PLEKHG3: variants seen among roughly 807,000 people sequenced by gnomAD.
PLEKHG3 encodes pleckstrin homology domain-containing family G member 3.
Under a neutral mutation model 94.9 loss-of-function variants are expected in PLEKHG3, and 62 were observed. That is an observed-to-expected ratio of 0.65 (90% CI 0.53 to 0.81). The LOEUF (loss-of-function observed/expected upper bound fraction) is 0.81, where lower values mean the gene tolerates loss of function less well. Among genes scored for constraint, PLEKHG3 ranks in the 30% least tolerant of loss-of-function variants. PLEKHG3 has a pLI of 0.00. For synonymous variants in PLEKHG3, 614 were observed against 654.0 expected, an observed-to-expected ratio of 0.94 and a Z score of 0.93; for missense variants, 1,461 against 1,619.3, an observed-to-expected ratio of 0.90 and a Z score of 1.68.
In PLEKHG3 at chr14:64,717,374, G is replaced by A. The variant is rs1324231394; in HGVS notation, c.-39-10219G>A. On this transcript the variant is annotated intron_variant, in intron 1 of 16. Transcript: ENST00000247226. This position sits in a 1 kb window ranked among gnomAD's most constrained non-coding sequence, Gnocchi z 4.7. ...TGCTTGGAATTGGGAAGGGAGTTGT[G>A]TTTTAGGGAATTGCCCTGGCAGCCT... Among the ~76,000 whole-genome samples, 5 of 152,164 alleles carry A rather than the reference G, an allele frequency of 3.3e-5. No homozygotes were observed. The highest frequency in any genetic ancestry group is 5.9e-5 in the Non-Finnish European group (4 of 68,038).
At position 64,716,494 on chromosome 14, in the gene PLEKHG3, ACAACACACACACACACAC is replaced by A. The variant is rs2081160077; in HGVS notation, c.-39-11098_-39-11081del. Among the ~76,000 whole-genome samples, 1 of 83,210 alleles carries A rather than the reference ACAACACACACACACACAC, an allele frequency of 1.2e-5. No homozygotes were observed. The highest frequency in any genetic ancestry group is 4.4e-4 in the South Asian group (1 of 2,280). The allele number at this position is 83,210 out of a possible 152,430, so 54.6% of individuals were successfully genotyped here. ...ACACACACACACAACACACACACAC[ACAACACACACACACACAC>A]ACACACACACACACACACACACACA... On this transcript the variant is annotated intron_variant, in intron 1 of 16. Transcript: ENST00000247226. This position sits in a 1 kb window ranked among gnomAD's most constrained non-coding sequence, Gnocchi z 5.0.
chr14:64,728,878 C>A lies in PLEKHG3; in HGVS notation c.352-118C>A. ...ATGAATTTTGGGGTGGACACTGTCT[C>A]ACAGTAGGCAATGTCCGTGAAGTGG... On this transcript the variant is annotated intron_variant, in intron 2 of 16. Transcript: ENST00000247226. This position sits in a 1 kb window ranked among gnomAD's most constrained non-coding sequence, Gnocchi z 5.9. 1 of 535,794 alleles carries A rather than the reference C, an allele frequency of 1.9e-6. No homozygotes were observed. The allele number at this position is 535,794 out of a possible 1,614,324, so 33.2% of individuals were successfully genotyped here.
chr14:64,738,972 T>G lies in PLEKHG3; in HGVS notation c.1518+117T>G. The G allele has an allele frequency of 1.5e-6, 1 of 687,736 alleles. No individual in the cohort carries two copies. Among genetic ancestry groups the G allele is most frequent in the Non-Finnish European group, 2.6e-6 (1 of 381,158 alleles). The allele number at this position is 687,736 out of a possible 1,614,324, so 42.6% of individuals were successfully genotyped here. On this transcript the variant is annotated intron_variant, in intron 15 of 16. Transcript: ENST00000247226. The surrounding 1 kb of genome is among the most constrained non-coding windows in gnomAD (Gnocchi z 4.8). The stretch of plus-strand genomic sequence containing the variant: ...CCCACTGGGCCCATGGGAACAGAGA[T>G]TCCCCACCTCCCAGGACTCTCAGCC...
At chr14:64,712,991 T>A (rs1192958951) in intron 1 of PLEKHG3, among the ~76,000 whole-genome samples, 1 of 152,256 alleles carries the variant, frequency 6.6e-6, no homozygotes, top group Non-Finnish European at 1.5e-5. Flanking sequence ...CTTCCTAGAT[T>A]GTTGAGCGTT....
rs2081693213 is a variant in PLEKHG3, at chr14:64,741,535, TGGGGGTGG to T, written c.2019_2026del (p.Gly674HisfsTer22). On this transcript the variant is annotated frameshift_variant, in exon 16 of 17. Transcript: ENST00000247226. LOFTEE classifies it high-confidence loss of function. ...CTCTCCCCAGAAGTGGACATCAGTG[TGGGGGTGG>T]CCACAGAGGACAGCCCTTCTGTCAA... is the stretch of plus-strand genomic sequence containing the variant. 1 of 1,612,850 alleles carries T rather than the reference TGGGGGTGG, an allele frequency of 6.2e-7. No individual in the cohort carries two copies. Among genetic ancestry groups the T allele is most frequent in the Non-Finnish European group, 8.5e-7 (1 of 1,179,994 alleles).
Position 64,726,409 on chromosome 14 carries a change from T to C in PLEKHG3, c.-39-1184T>C, listed in dbSNP as rs968082406. Among the ~76,000 whole-genome samples, 4 of 152,170 alleles carry C rather than the reference T, an allele frequency of 2.6e-5. No homozygotes were observed. In the East Asian group the frequency reaches 5.8e-4, roughly 22 times the overall value. On this transcript the variant is annotated intron_variant, in intron 1 of 16. Transcript: ENST00000247226. The surrounding 1 kb of genome is among the most constrained non-coding windows in gnomAD (Gnocchi z 5.1). Reference sequence around the variant, plus strand: ...GTGAGAGGGATGCCCAGGAACTTACTGTTTTCCTGTGAAATAGCAATGAAA... The same window carrying C: ...GTGAGAGGGATGCCCAGGAACTTACCGTTTTCCTGTGAAATAGCAATGAAA...
chr14:64,734,901 T>A (rs1304372822), intron 12 of PLEKHG3, among the ~76,000 whole-genome samples: 1 of 151,978 alleles, frequency 6.6e-6, no homozygotes, highest in African/African-American at 2.4e-5. Flanking sequence ...TTTTTTTGTA[T>A]TTTTAGTAGA....
chr14:64,741,937 A>C lies in PLEKHG3; in HGVS notation c.2420A>C (p.Glu807Ala), dbSNP rs1370432754. Residue 807 changes from glutamate (E) to alanine (A), a missense_variant, in exon 16 of 17, where the codon GAG becomes GCG. By Grantham distance (107) the Glu-to-Ala change is moderately radical. This residue lies in a region of PLEKHG3 where 1,201 missense variants were observed against 1,295.5 expected (regional missense o/e 0.93). Coordinates refer to ENST00000247226, the MANE Select transcript of PLEKHG3 (RefSeq NM_001308147.2). ...GACCCACCTCCCATCTCAGATGCTGAGTTCCGCCCATCTTCAGAAATTGTG... is the reference window on the plus strand; with the variant it reads ...GACCCACCTCCCATCTCAGATGCTGCGTTCCGCCCATCTTCAGAAATTGTG... The part of the protein sequence containing the change: ...KGDPPPISDA[E>A]FRPSSEIVKI... 5.7e-6 allele frequency: 9 copies of C among 1,580,632 alleles called. No individual in the cohort carries two copies. Among genetic ancestry groups the C allele is most frequent in the Admixed American group, 1.8e-5 (1 of 54,412 alleles).
At chr14:64,713,137 A>C (rs970548322) in intron 1 of PLEKHG3, among the ~76,000 whole-genome samples, 1 of 152,202 alleles carries the variant, frequency 6.6e-6, no homozygotes, top group Non-Finnish European at 1.5e-5. Context: ...CTAATCTTGC[A>C]TCTCTGGGAT....
At position 64,726,235 on chromosome 14, in the gene PLEKHG3, A is replaced by G. The variant is rs547231581; in HGVS notation, c.-39-1358A>G. ...TTCCAGGTTGAGGCATAGGCACAGA[A>G]AACCAGGGGTCAGTGTCAAGGGTTC... On this transcript the variant is annotated intron_variant, in intron 1 of 16. Coordinates refer to ENST00000247226, the MANE Select transcript of PLEKHG3 (RefSeq NM_001308147.2). The surrounding 1 kb of genome is among the most constrained non-coding windows in gnomAD (Gnocchi z 5.1). 1.6e-4 allele frequency among the ~76,000 whole-genome samples: 24 copies of G among 152,150 alleles called. No homozygotes were observed. The highest frequency in any genetic ancestry group is 2.5e-4 in the Non-Finnish European group (17 of 67,976).
Position 64,738,733 on chromosome 14 carries a change from C to T in PLEKHG3, c.1405-9C>T, listed in dbSNP as rs1198690765. On this transcript the variant is annotated splice_polypyrimidine_tract_variant and intron_variant, in intron 14 of 16. Coordinates refer to ENST00000247226, the MANE Select transcript of PLEKHG3 (RefSeq NM_001308147.2). The surrounding 1 kb of genome is among the most constrained non-coding windows in gnomAD (Gnocchi z 4.8). ...TCTTGGAGTTGATGACTGACCTCTA[C>T]CTCTGCAGGGAAAGGGGCGCAGGGA... The T allele has an allele frequency of 6.4e-7, 1 of 1,557,952 alleles. No individual in the cohort carries two copies. Among genetic ancestry groups the T allele is most frequent in the African/African-American group, 1.4e-5 (1 of 73,690 alleles).
rs986742426 is a variant in PLEKHG3, at chr14:64,744,230, G to A, written c.*527G>A. The A allele has an allele frequency of 6.5e-6, 1 of 153,132 alleles. No homozygotes were observed. Among genetic ancestry groups the A allele is most frequent in the African/African-American group, 2.4e-5 (1 of 41,466 alleles). The allele number at this position is 153,132 out of a possible 1,614,324, so 9.5% of individuals were successfully genotyped here. ...TGTTTATTCCCCTCCTGTCAAGAATGAAGTGGATTCAGTTCAGGTACTTTT... is the reference window on the plus strand; with the variant it reads ...TGTTTATTCCCCTCCTGTCAAGAATAAAGTGGATTCAGTTCAGGTACTTTT... On this transcript the variant is annotated 3_prime_UTR_variant, in exon 17 of 17. Transcript: ENST00000247226.
chr14:64,719,760 G>C (rs11622754), intron 1 of PLEKHG3, among the ~76,000 whole-genome samples: 13,907 of 151,828 alleles, frequency 0.092, 703 homozygotes, highest in African/African-American at 0.13. Context: ...CACCCACCCC[G>C]CTCCAGCCTA....
At position 64,750,165 on chromosome 14, in the gene PLEKHG3, G is replaced by A. The variant is rs1566730491; in HGVS notation, c.*6462G>A. 5 of 1,608,752 alleles carry A rather than the reference G, an allele frequency of 3.1e-6. No individual in the cohort carries two copies. In the African/African-American group the frequency reaches 5.3e-5, roughly 17 times the overall value. Reference sequence around the variant, plus strand: ...AGGTTGTTCCAGGACCTGCAAAGATGCAGACAGGCAGGTCACCCACATCCT... The same window carrying A: ...AGGTTGTTCCAGGACCTGCAAAGATACAGACAGGCAGGTCACCCACATCCT... On this transcript the variant is annotated 3_prime_UTR_variant, in exon 17 of 17. Transcript: ENST00000247226.
chr14:64,743,726 G>A lies in PLEKHG3; in HGVS notation c.*23G>A, dbSNP rs2081770841. 2 of 1,514,988 alleles carry A rather than the reference G, an allele frequency of 1.3e-6. No individual in the cohort carries two copies. Among genetic ancestry groups the A allele is most frequent in the African/African-American group, 2.8e-5 (2 of 72,344 alleles). 93.8% of individuals were successfully genotyped at this position (1,514,988 alleles called of 1,614,324 possible). A position where few individuals can be genotyped will look rare whatever the true frequency, so the allele number is the denominator to read the frequency against. ...TGATGCTGACTCCTGGGGGAGGGAG[G>A]AGTCATGTTGGAGGTTGGGGAAGAA... On this transcript the variant is annotated 3_prime_UTR_variant, in exon 17 of 17. Coordinates refer to ENST00000247226, the MANE Select transcript of PLEKHG3 (RefSeq NM_001308147.2). The surrounding 1 kb of genome is among the most constrained non-coding windows in gnomAD (Gnocchi z 7.2).
rs960983173 is a variant in PLEKHG3, at chr14:64,720,362, T to G, written c.-39-7231T>G. 2.0e-4 allele frequency among the ~76,000 whole-genome samples: 31 copies of G among 152,336 alleles called. No individual in the cohort carries two copies. Among genetic ancestry groups the G allele is most frequent in the African/African-American group, 6.7e-4 (28 of 41,594 alleles). On this transcript the variant is annotated intron_variant, in intron 1 of 16. Coordinates refer to ENST00000247226, the MANE Select transcript of PLEKHG3 (RefSeq NM_001308147.2). The surrounding 1 kb of genome is among the most constrained non-coding windows in gnomAD (Gnocchi z 4.1). ...GCTTCTTGGTTGATCGGAAACTTGC[T>G]GGCAGTGACTAATGTGGAGACTCAT...
rs1409832126 is a variant in PLEKHG3, at chr14:64,750,119, C to G, written c.*6416C>G. On this transcript the variant is annotated 3_prime_UTR_variant, in exon 17 of 17. Coordinates refer to ENST00000247226, the MANE Select transcript of PLEKHG3 (RefSeq NM_001308147.2). ...GGCATCCTTGTAGAAGGTTAGCTCA[C>G]TGTTCCTGAGCACACAGTACAGGTT... 1 of 1,614,058 alleles carries G rather than the reference C, an allele frequency of 6.2e-7. No homozygotes were observed.
At chr14:64,724,459 C>A (rs1006949767) in intron 1 of PLEKHG3, among the ~76,000 whole-genome samples, 17 of 152,162 alleles carry the variant, frequency 1.1e-4, no homozygotes, top group African/African-American at 3.9e-4. Context: ...TCTCGTCATC[C>A]AAGAAGTTTA....
At position 64,737,346 on chromosome 14, in the gene PLEKHG3, A is replaced by G. The variant is rs754349445; in HGVS notation, c.1385-10A>G. 3 of 1,603,570 alleles carry G rather than the reference A, an allele frequency of 1.9e-6. No homozygotes were observed. The highest frequency in any genetic ancestry group is 2.7e-5 in the African/African-American group (2 of 74,394). On this transcript the variant is annotated splice_polypyrimidine_tract_variant and intron_variant, in intron 13 of 16. Transcript: ENST00000247226. ...CCGTGTGCTGGGGGACCCGGTGGTG[A>G]TGTCTGCAGCCCGAGCAGCAGGAAT...
Sources: allele counts gnomAD v4.1 joint callset (sites outside exome capture counted in the v4.1 genomes callset), GRCh38; gene constraint gnomAD v4.1.1; regional missense constraint gnomAD v4.1.1; non-coding constraint Gnocchi (gnomAD v3.1); transcripts MANE v1.5; gene names NCBI Gene and HGNC (gene_info 2026-07-23, HGNC 2026-07-21).